Variants in CCSER1 observed in about 807,000 individuals in gnomAD.
CCSER1 encodes the protein coiled-coil serine rich protein 1.
A neutral mutation model predicts 82.0 loss-of-function variants in CCSER1; 41 were observed. The observed-to-expected ratio is 0.50, with a 90% CI of 0.39 to 0.65. The LOEUF is 0.65. Among genes scored for constraint, CCSER1 ranks in the 30% least tolerant of loss-of-function variants. The pLI, the probability that CCSER1 is intolerant of heterozygous loss-of-function variation, is 0.00. For missense variants in CCSER1, 1,119 were observed against 1,064.2 expected (o/e 1.05, Z -0.72); for synonymous variants, 414 against 383.9 (o/e 1.08, Z -0.92).
chr4:91,198,625 A>G (rs1211081462), intron 10 of CCSER1, among the ~76,000 whole-genome samples: 1 of 152,142 alleles, frequency 6.6e-6, no homozygotes. Context: ...TGCATGATCC[A>G]TAGGGATGAA....
At chr4:90,382,326 G>A (rs1749330173) in intron 3 of CCSER1, among the ~76,000 whole-genome samples, 1 of 151,936 alleles carries the variant, frequency 6.6e-6, no homozygotes, top group Admixed American at 6.6e-5. Context: ...GTTTGACTGT[G>A]TTTGTTTTAT....
At chr4:90,638,905 C>T (rs1320410963) in intron 6 of CCSER1, among the ~76,000 whole-genome samples, 2 of 152,096 alleles carry the variant, frequency 1.3e-5, no homozygotes, top group Non-Finnish European at 2.9e-5. Flanking sequence ...GTGAATCTCA[C>T]TTCTGCCATT....
intron 10 of CCSER1, among the ~76,000 whole-genome samples, chr4:91,283,415 G>T (rs73835114): frequency 6.6e-6 from 1 of 151,958 alleles, no homozygotes; most frequent in Middle Eastern, 3.2e-3. Flanking sequence ...AACTACTAAT[G>T]CACTGCTTAG....
At chr4:90,376,941 A>G (rs1748425172) in intron 3 of CCSER1, among the ~76,000 whole-genome samples, 1 of 152,180 alleles carries the variant, frequency 6.6e-6, no homozygotes, top group African/African-American at 2.4e-5. Flanking sequence ...GGTTACTGCC[A>G]GTCATCAAAG....
At chr4:91,146,849 G>A (rs1457491358) in intron 10 of CCSER1, among the ~76,000 whole-genome samples, 8 of 152,180 alleles carry the variant, frequency 5.3e-5, no homozygotes, top group Non-Finnish European at 1.0e-4. Flanking sequence ...GTAAGGGTAG[G>A]CTCTTAGCTG....
chr4:90,975,515 C>A (rs1291749309), intron 9 of CCSER1, among the ~76,000 whole-genome samples: 1 of 151,034 alleles, frequency 6.6e-6, no homozygotes, highest in Admixed American at 6.6e-5. Context: ...TGATTTATAT[C>A]TCAGTAAAGC....
chr4:90,405,391 G>C (rs1400828308), intron 4 of CCSER1, among the ~76,000 whole-genome samples: 2 of 152,148 alleles, frequency 1.3e-5, no homozygotes, highest in Non-Finnish European at 2.9e-5. Flanking sequence ...GTGAATAATT[G>C]GTGTTCCTGG....
rs938959908 is a variant in CCSER1 at position 90,568,104 on chromosome 4, T to C, written c.1725-59921T>C. Among the ~76,000 whole-genome samples, 3 of 152,266 alleles carry C rather than the reference T, an allele frequency of 2.0e-5. No individual in the cohort carries two copies. In the East Asian group the frequency reaches 5.8e-4, roughly 29 times the overall value. ...AGTTGTTAAAATTTGTTTTGTGGCC[T>C]AACATGATCTGTCCTGGAGAATGTT... On this transcript the variant is annotated intron_variant, in intron 5 of 10. Coordinates refer to ENST00000509176, the MANE Select transcript of CCSER1 (RefSeq NM_001145065.2).
intron 10 of CCSER1, among the ~76,000 whole-genome samples, chr4:91,149,130 C>T (rs1247385277): frequency 6.6e-6 from 1 of 152,158 alleles, no homozygotes; most frequent in Non-Finnish European, 1.5e-5. Flanking sequence ...CCTCCACATC[C>T]TCTCCAGCAC....
At chr4:90,720,092 C>A (rs537108727) in intron 6 of CCSER1, among the ~76,000 whole-genome samples, 1 of 152,160 alleles carries the variant, frequency 6.6e-6, no homozygotes, top group Admixed American at 6.5e-5. Flanking sequence ...CCAGCTTTGG[C>A]ATTTGGGAGT....
chr4:91,151,182 C>A (rs1295027808), intron 10 of CCSER1, among the ~76,000 whole-genome samples: 1 of 152,044 alleles, frequency 6.6e-6, no homozygotes, highest in Non-Finnish European at 1.5e-5. Context: ...TCAACTTCTT[C>A]CTGGTTTAGT....
chr4:90,465,518 C>G (rs187172264), intron 4 of CCSER1, among the ~76,000 whole-genome samples: 1 of 152,174 alleles, frequency 6.6e-6, no homozygotes, highest in East Asian at 1.9e-4. Context: ...GACAGGGTTT[C>G]ACTATCAGTT....
At chr4:91,478,769 A>G (rs573466719) in intron 10 of CCSER1, among the ~76,000 whole-genome samples, 7 of 152,040 alleles carry the variant, frequency 4.6e-5, no homozygotes, top group African/African-American at 1.7e-4. Flanking sequence ...CCTACTTTAT[A>G]TATACCACAA....
intron 1 of CCSER1, among the ~76,000 whole-genome samples, chr4:90,177,560 A>G (rs1303779617): frequency 6.6e-6 from 1 of 151,974 alleles, no homozygotes; most frequent in African/African-American, 2.4e-5. Context: ...AGTCACTGAA[A>G]TTCATCCATT....
At chr4:91,326,344 GT>G (rs1746557534) in intron 10 of CCSER1, among the ~76,000 whole-genome samples, 1 of 152,142 alleles carries the variant, frequency 6.6e-6, no homozygotes, top group Non-Finnish European at 1.5e-5. Flanking sequence ...AAGTGAGCAT[GT>G]CTTCAGGCCA....
At chr4:90,933,455 G>A (rs1169771997) in intron 9 of CCSER1, among the ~76,000 whole-genome samples, 1 of 151,086 alleles carries the variant, frequency 6.6e-6, no homozygotes, top group Non-Finnish European at 1.5e-5. Context: ...CCCAAGTGCT[G>A]GGATTACAGG....
intron 8 of CCSER1, among the ~76,000 whole-genome samples, chr4:90,832,402 T>G (rs1208585724): frequency 6.6e-6 from 1 of 152,098 alleles, no homozygotes; most frequent in Non-Finnish European, 1.5e-5. Context: ...ATAATGAAGC[T>G]TTTGTTTTCT....
At chr4:90,611,972 T>G (rs1350965055) in intron 5 of CCSER1, among the ~76,000 whole-genome samples, 1 of 151,574 alleles carries the variant, frequency 6.6e-6, no homozygotes. Flanking sequence ...TTTTCCTGAC[T>G]TTTTACACTC....
intron 10 of CCSER1, among the ~76,000 whole-genome samples, chr4:91,488,773 A>G (rs1758354711): frequency 6.6e-6 from 1 of 152,176 alleles, no homozygotes; most frequent in Non-Finnish European, 1.5e-5. Context: ...TTTATAAATT[A>G]CCCATTCTCA....
Sources: gnomAD v4.1 joint callset for allele counts (sites outside exome capture counted in the v4.1 genomes callset) on GRCh38, gnomAD v4.1.1 for gene constraint, MANE v1.5 for transcripts, NCBI Gene and HGNC (gene_info 2026-07-23, HGNC 2026-07-21) for gene names.